Variants in IL23A observed in about 807,000 individuals in gnomAD.
IL23A encodes the protein interleukin-23 subunit alpha.
A neutral mutation model predicts 20.7 loss-of-function variants in IL23A; 16 were observed. The ratio of observed to expected loss-of-function variants is 0.77; its 90% CI spans 0.52 to 1.17. The LOEUF is 1.17. Among genes scored for constraint, IL23A ranks in the 50% most tolerant of loss-of-function variants. The pLI is 0.00. For synonymous variants in IL23A, 80 were observed against 88.7 expected, an observed-to-expected ratio of 0.90 and a Z score of 0.55; for missense variants, 175 against 229.5, an observed-to-expected ratio of 0.76 and a Z score of 1.53.
In IL23A at chr12:56,340,172, C is replaced by G; in HGVS notation, c.*68C>G. On this transcript the variant is annotated 3_prime_UTR_variant, in exon 4 of 4. Coordinates refer to ENST00000228534, the MANE Select transcript of IL23A (RefSeq NM_016584.3). ...CAAGGCCAAGATAAATCTACCACCC[C>G]AGGCACCTGTGAGCCAACAGGTTAA... 2.6e-6 allele frequency: 4 copies of G among 1,527,498 alleles called. No individual in the cohort carries two copies. In the South Asian group the frequency reaches 3.6e-5, roughly 14 times the overall value. The allele number at this position is 1,527,498 out of a possible 1,614,324, so 94.6% of individuals were successfully genotyped here.
chr12:56,340,139 T>A lies in IL23A; in HGVS notation c.*35T>A. The A allele has an allele frequency of 6.2e-7, 1 of 1,604,320 alleles. No individual in the cohort carries two copies. The highest frequency in any genetic ancestry group is 8.5e-7 in the Non-Finnish European group (1 of 1,174,006). ...CTCAAGGATGGCACTCAGATCTCCA[T>A]GGCCCAGCAAGGCCAAGATAAATCT... On this transcript the variant is annotated 3_prime_UTR_variant, in exon 4 of 4. Transcript: ENST00000228534.
chr12:56,339,460 A>G lies in IL23A; in HGVS notation c.197A>G (p.Asn66Ser), dbSNP rs2136024189. 4 of 1,612,170 alleles carry G rather than the reference A, an allele frequency of 2.5e-6. No individual in the cohort carries two copies. In the East Asian group the frequency reaches 8.9e-5, roughly 36 times the overall value. Reference sequence around the variant, plus strand: ...GAAGAGGGAGATGAAGAGACTACAAATGATGTTCCCCATATCCAGTGTGGA... The same window carrying G: ...GAAGAGGGAGATGAAGAGACTACAAGTGATGTTCCCCATATCCAGTGTGGA... ...LREEGDEETT[N>S]DVPHIQCGDG... The change falls in exon 2 of 4, where the codon AAT becomes AGT. Residue 66 changes from asparagine to serine, a missense_variant. Asn to Ser is a conservative substitution (Grantham distance 46). Coordinates refer to ENST00000228534, the MANE Select transcript of IL23A (RefSeq NM_016584.3).
chr12:56,339,431 A>G lies in IL23A; in HGVS notation c.168A>G (p.Leu56=). The G allele has an allele frequency of 1.2e-6, 2 of 1,602,928 alleles. No individual in the cohort carries two copies. The highest frequency in any genetic ancestry group is 1.7e-6 in the Non-Finnish European group (2 of 1,169,786). The change falls in exon 2 of 4, where the codon CTA becomes CTG. Residue 56 remains leucine (L), a synonymous_variant. Coordinates refer to ENST00000228534, the MANE Select transcript of IL23A (RefSeq NM_016584.3). ...CACCTCTTCCTTCATTCCAGGATCTAAGAGAAGAGGGAGATGAAGAGACTA... is the reference window on the plus strand; with the variant it reads ...CACCTCTTCCTTCATTCCAGGATCTGAGAGAAGAGGGAGATGAAGAGACTA... ...SAHPLVGHMD[L]REEGDEETTN...
chr12:56,339,349 A>T, intron 1 of IL23A, 77 bp from the exon 2 acceptor site: 1 of 1,385,342 alleles, frequency 7.2e-7, no homozygotes, highest in Admixed American at 1.7e-5. Context: ...TGGGAGAGTC[A>T]TGGGCCTGAG....
In IL23A at chr12:56,339,879, A is replaced by G. The variant is rs763880976; in HGVS notation, c.408+42A>G. 3 of 1,609,906 alleles carry G rather than the reference A, an allele frequency of 1.9e-6. 1 individual carries two copies. In the South Asian group the frequency reaches 3.3e-5, roughly 18 times the overall value. On this transcript the variant is annotated intron_variant, in intron 3 of 3. Transcript: ENST00000228534. Reference sequence around the variant, plus strand: ...TGGAGGATGGGGGCTTGCAGGTGTCAGAGACAGAGGGTTGGGGGTTAAGGG... The same window carrying G: ...TGGAGGATGGGGGCTTGCAGGTGTCGGAGACAGAGGGTTGGGGGTTAAGGG...
In IL23A at chr12:56,339,435, G is replaced by C. The variant is rs201309092; in HGVS notation, c.172G>C (p.Glu58Gln). ...HPLVGHMDLR[E>Q]EGDEETTNDV... is the part of the protein sequence containing the mutation. ...TCTTCCTTCATTCCAGGATCTAAGA[G>C]AAGAGGGAGATGAAGAGACTACAAA... The change falls in exon 2 of 4, where the codon GAA (glutamate) becomes CAA (glutamine). Residue 58 changes from glutamate to glutamine, a missense_variant. Coordinates refer to ENST00000228534, the MANE Select transcript of IL23A (RefSeq NM_016584.3). 58 of 1,606,960 alleles carry C rather than the reference G, an allele frequency of 3.6e-5. No individual in the cohort carries two copies. The East Asian group carries it at 1.2e-3, about 35-fold the overall frequency.
chr12:56,339,554 GGA>G, intron 2 of IL23A, 30 bp downstream of exon 2: 1 of 1,590,054 alleles, frequency 6.3e-7, no homozygotes, highest in Non-Finnish European at 8.6e-7. Context: ...GGGCAATGAA[GGA>G]GAGGGGACTG....
At chr12:56,339,559 G>A (rs774511668) in intron 2 of IL23A, 35 bp downstream of exon 2, 2 of 1,587,858 alleles carry the variant, frequency 1.3e-6, no homozygotes, top group South Asian at 2.2e-5. Flanking sequence ...ATGAAGGAGA[G>A]GGGACTGAGA....
At position 56,339,685 on chromosome 12, in the gene IL23A, C is replaced by G. The variant is rs762044893; in HGVS notation, c.262-6C>G. On this transcript the variant is annotated splice_polypyrimidine_tract_variant and splice_region_variant and intron_variant, in intron 2 of 3. Transcript: ENST00000228534. ...GTCCTCTTTCATTGCTTTCTTTTCT[C>G]CCTAGTTCTGCTTGCAAAGGATCCA... is the stretch of plus-strand genomic sequence containing the variant. The G allele has an allele frequency of 6.2e-7, 1 of 1,613,124 alleles. No individual in the cohort carries two copies. The highest frequency in any genetic ancestry group is 1.1e-5 in the South Asian group (1 of 90,924).
At chr12:56,339,602 G>A in intron 2 of IL23A, 78 bp downstream of exon 2, 2 of 1,597,462 alleles carry the variant, frequency 1.3e-6, no homozygotes, top group Non-Finnish European at 1.7e-6. Context: ...ACCAGAAGTT[G>A]TGTCTGAAAA....
chr12:56,339,156 CAGA>C lies in IL23A; in HGVS notation c.115_117del (p.Lys39del). 6.3e-7 allele frequency: 1 copy of C among 1,582,392 alleles called. No homozygotes were observed. The highest frequency in any genetic ancestry group is 1.1e-5 in the South Asian group (1 of 87,594). On this transcript the variant is annotated inframe_deletion, in exon 1 of 4. Transcript: ENST00000228534. ...CTGGACTCAGTGCCAGCAGCTTTCA[CAGA>C]AGCTCTGCACACTGGCCTGGAGTGC...
At position 56,338,933 on chromosome 12, in the gene IL23A, G is replaced by C. The variant is rs1876389172; in HGVS notation, c.-112G>C. 2 of 892,562 alleles carry C rather than the reference G, an allele frequency of 2.2e-6. No homozygotes were observed. Among genetic ancestry groups the C allele is most frequent in the Non-Finnish European group, 3.0e-6 (2 of 656,616 alleles). The allele number at this position is 892,562 out of a possible 1,614,324, so 55.3% of individuals were successfully genotyped here. ...GTGAACAACTGAGGGAACCAAACCA[G>C]AGACGCGCTGAACAGAGAGAATCAG... On this transcript the variant is annotated 5_prime_UTR_variant, in exon 1 of 4. Coordinates refer to ENST00000228534, the MANE Select transcript of IL23A (RefSeq NM_016584.3).
rs1015349508 is a variant in IL23A, at chr12:56,340,299, G to A, written c.*195G>A. ...ATAAGGTTGAGTATTTATTAGATGG[G>A]AAGGGAAATTTGGGGATTATTTATC... On this transcript the variant is annotated 3_prime_UTR_variant, in exon 4 of 4. Coordinates refer to ENST00000228534, the MANE Select transcript of IL23A (RefSeq NM_016584.3). 1.4e-5 allele frequency: 8 copies of A among 569,418 alleles called. No homozygotes were observed. Among genetic ancestry groups the A allele is most frequent in the South Asian group, 2.6e-5 (1 of 38,888 alleles). The allele number at this position is 569,418 out of a possible 1,614,324, so 35.3% of individuals were successfully genotyped here. A position where few individuals can be genotyped will look rare whatever the true frequency, so the allele number is the denominator to read the frequency against.
chr12:56,339,647 G>A (rs1204817420), intron 2 of IL23A, 44 bp from the exon 3 acceptor site: 5 of 1,607,198 alleles, frequency 3.1e-6, no homozygotes, highest in African/African-American at 1.3e-5. Context: ...AGTGAATGGA[G>A]TAGGAAGAGG....
At chr12:56,339,585 A>G (rs1312231533) in intron 2 of IL23A, 61 bp downstream of exon 2, 1 of 1,588,310 alleles carries the variant, frequency 6.3e-7, no homozygotes, top group Non-Finnish European at 8.6e-7. Flanking sequence ...GCTGGGTACC[A>G]TGGTAAACCA....
rs765681910 is a variant in IL23A at position 56,339,246 on chromosome 12, C to G, written c.162+40C>G. 3 of 1,536,452 alleles carry G rather than the reference C, an allele frequency of 2.0e-6. No homozygotes were observed. The East Asian group carries it at 6.8e-5, about 35-fold the overall frequency. ...CTGGAGCCTAACAGGAGTCCAGGCTCTCCAAGGCTGTGGCAGAAGACCGTG... is the reference window on the plus strand; with the variant it reads ...CTGGAGCCTAACAGGAGTCCAGGCTGTCCAAGGCTGTGGCAGAAGACCGTG... On this transcript the variant is annotated intron_variant, in intron 1 of 3. Coordinates refer to ENST00000228534, the MANE Select transcript of IL23A (RefSeq NM_016584.3).
chr12:56,339,553 A>G, intron 2 of IL23A, 29 bp downstream of exon 2: 1 of 1,590,146 alleles, frequency 6.3e-7, no homozygotes, highest in Non-Finnish European at 8.6e-7. Flanking sequence ...TGGGCAATGA[A>G]GGAGAGGGGA....
At chr12:56,339,595 A>G in intron 2 of IL23A, 71 bp downstream of exon 2, 1 of 1,594,928 alleles carries the variant, frequency 6.3e-7, no homozygotes, top group Admixed American at 1.7e-5. Flanking sequence ...ATGGTAAACC[A>G]GAAGTTGTGT....
Position 56,340,331 on chromosome 12 carries a change from G to A in IL23A, c.*227G>A. 1.9e-6 allele frequency: 1 copy of A among 520,466 alleles called. No homozygotes were observed. The highest frequency in any genetic ancestry group is 3.4e-6 in the Non-Finnish European group (1 of 294,956). 32.2% of individuals were successfully genotyped at this position (520,466 alleles called of 1,614,324 possible). ...AATTTGGGGATTATTTATCCTCCTG[G>A]GGACAGTTTGGGGAGGATTATTTAT... On this transcript the variant is annotated 3_prime_UTR_variant, in exon 4 of 4. Transcript: ENST00000228534.
Sources: gnomAD v4.1 joint callset for allele counts on GRCh38, gnomAD v4.1.1 for gene constraint, MANE v1.5 for transcripts, NCBI Gene and HGNC (gene_info 2026-07-23, HGNC 2026-07-21) for gene names.